CFAP77: variants seen among roughly 807,000 people sequenced by gnomAD.
The protein encoded by CFAP77 is cilia and flagella associated protein 77.
In CFAP77, 25 loss-of-function variants were observed where a neutral mutation model predicts 31.1. That is an observed-to-expected ratio of 0.80 (90% CI 0.59 to 1.12). The LOEUF is 1.12. Ranked by LOEUF, CFAP77 falls within the 50% of genes most tolerant of loss-of-function variation. CFAP77 has a pLI of 0.00. For missense variants in CFAP77, 377 were observed against 397.3 expected (o/e 0.95, Z 0.44); for synonymous variants, 151 against 159.9 (o/e 0.94, Z 0.42).
chr9:132,565,014 CACTAA>C lies in CFAP77; in HGVS notation c.733-7373_733-7369del, dbSNP rs1208208400. Among the ~76,000 whole-genome samples, 44 of 152,064 alleles carry C rather than the reference CACTAA, an allele frequency of 2.9e-4. No individual in the cohort carries two copies. The highest frequency in any genetic ancestry group is 6.3e-4 in the Non-Finnish European group (43 of 68,018). ...AGTATGGGAGAGTTAGATTCGATAT[CACTAA>C]GGTCTCTTCCAAACCTAACTCTCTG... On this transcript the variant is annotated intron_variant, in intron 5 of 5. Coordinates refer to ENST00000393216, the MANE Select transcript of CFAP77 (RefSeq NM_001282957.2). This position sits in a 1 kb window ranked among gnomAD's most constrained non-coding sequence, Gnocchi z 4.1.
chr9:132,521,528 G>A (rs1271838359), intron 3 of CFAP77, among the ~76,000 whole-genome samples: 1 of 152,144 alleles, frequency 6.6e-6, no homozygotes, highest in Non-Finnish European at 1.5e-5. Flanking sequence ...CTATTATAAA[G>A]AACTTCAAAC....
chr9:132,557,982 C>T (rs1319918272), intron 5 of CFAP77, among the ~76,000 whole-genome samples: 3 of 152,208 alleles, frequency 2.0e-5, no homozygotes, highest in Non-Finnish European at 4.4e-5. Flanking sequence ...CCACCTCCCT[C>T]CCGTGCCCAC....
intron 3 of CFAP77, among the ~76,000 whole-genome samples, chr9:132,510,993 G>A (rs929581963): frequency 2.6e-5 from 4 of 152,100 alleles, no homozygotes; most frequent in African/African-American, 7.2e-5. Context: ...GGTCACGCTG[G>A]GATCTGATCT....
intron 5 of CFAP77, among the ~76,000 whole-genome samples, chr9:132,544,231 C>T (rs113060142): frequency 1.3e-5 from 2 of 152,342 alleles, no homozygotes; most frequent in African/African-American, 4.8e-5. Flanking sequence ...ATGCGCCCTG[C>T]CGCCCGTCAG....
chr9:132,531,219 TTC>T (rs969876253), intron 3 of CFAP77, among the ~76,000 whole-genome samples: 16 of 152,222 alleles, frequency 1.1e-4, no homozygotes, highest in African/African-American at 3.9e-4. Flanking sequence ...TGTCCTCTCT[TTC>T]TCTCTCAGTC....
intron 1 of CFAP77, among the ~76,000 whole-genome samples, chr9:132,486,145 T>G (rs1851554027): frequency 7.6e-6 from 1 of 131,182 alleles, no homozygotes; most frequent in African/African-American, 3.0e-5. Context: ...CAGGCTGGAG[T>G]GCGGTGGCGC....
intron 1 of CFAP77, among the ~76,000 whole-genome samples, chr9:132,418,710 T>G (rs1036942669): frequency 2.6e-5 from 4 of 152,176 alleles, no homozygotes; most frequent in South Asian, 4.1e-4. Flanking sequence ...ATCCATACAG[T>G]GTGGCTCAAT....
chr9:132,452,785 C>G (rs1040304968), intron 1 of CFAP77, among the ~76,000 whole-genome samples: 1 of 152,024 alleles, frequency 6.6e-6, no homozygotes, highest in African/African-American at 2.4e-5. Context: ...GTGCTCTGTC[C>G]CAGAAGGAAC....
chr9:132,567,272 G>C (rs896821550), intron 5 of CFAP77, among the ~76,000 whole-genome samples: 1 of 152,196 alleles, frequency 6.6e-6, no homozygotes, highest in African/African-American at 2.4e-5. Flanking sequence ...TATGGAACTT[G>C]GAACTCTGAA....
chr9:132,438,541 A>ATATATATATATATATATATATATATT, intron 1 of CFAP77, among the ~76,000 whole-genome samples: 7 of 108,148 alleles, frequency 6.5e-5, no homozygotes, highest in South Asian at 3.0e-4. Context: ...ATATATATAT[A>ATATATATATATATATATATATATATT]TTTTTTTTTT....
At chr9:132,513,250 G>A (rs1852073021) in intron 3 of CFAP77, 1 of 1,546,048 alleles carries the variant, frequency 6.5e-7, no homozygotes, top group Non-Finnish European at 8.7e-7. Flanking sequence ...TTTCTTTTGT[G>A]TTTATTAGAA....
intron 1 of CFAP77, among the ~76,000 whole-genome samples, chr9:132,473,233 T>G (rs1851289629): frequency 6.6e-6 from 1 of 152,094 alleles, no homozygotes; most frequent in Non-Finnish European, 1.5e-5. Flanking sequence ...CCCAAACACC[T>G]CCAACGTCAT....
In CFAP77 at chr9:132,497,507, C is replaced by T. The variant is rs112369328; in HGVS notation, c.196-1188C>T. The stretch of plus-strand genomic sequence containing the variant: ...AAGGAGCAGCTGCACCCACCCTTCT[C>T]AGTAATGGCCCCGGGGCCTGCTGGC... On this transcript the variant is annotated intron_variant, in intron 1 of 5. Transcript: ENST00000393216. The surrounding 1 kb of genome is among the most constrained non-coding windows in gnomAD (Gnocchi z 4.9). Among the ~76,000 whole-genome samples the T allele has an allele frequency of 4.6e-5, 7 of 152,326 alleles. No homozygotes were observed. The highest frequency in any genetic ancestry group is 1.7e-4 in the African/African-American group (7 of 41,586).
At chr9:132,430,666 C>T (rs1211136155) in intron 1 of CFAP77, among the ~76,000 whole-genome samples, 1 of 152,152 alleles carries the variant, frequency 6.6e-6, no homozygotes, top group Non-Finnish European at 1.5e-5. Context: ...GGACCTCAGT[C>T]AATATGTCAG....
Position 132,492,694 on chromosome 9 carries a change from G to A in CFAP77, c.196-6001G>A, listed in dbSNP as rs79727401. Among the ~76,000 whole-genome samples, 1,227 of 152,282 alleles carry A rather than the reference G, an allele frequency of 8.1e-3. 12 individuals are homozygous for A. The highest frequency in any genetic ancestry group is 0.028 in the African/African-American group (1,164 of 41,564). Reference sequence around the variant, plus strand: ...ACGTTACAGGATTGTTTTATGAATCGGCAGTAACAGGGGAGCCGGGCATGT... The same window carrying A: ...ACGTTACAGGATTGTTTTATGAATCAGCAGTAACAGGGGAGCCGGGCATGT... On this transcript the variant is annotated intron_variant, in intron 1 of 5. Transcript: ENST00000393216.
At position 132,539,270 on chromosome 9, in the gene CFAP77, C is replaced by T. The variant is rs73659079; in HGVS notation, c.630+1564C>T. Among the ~76,000 whole-genome samples the T allele has an allele frequency of 0.036, 5,434 of 152,086 alleles. 320 individuals carry two copies. The highest frequency in any genetic ancestry group is 0.12 in the African/African-American group (5,173 of 41,460). ...TATAGACTTCATCAAGGCGTGGCTCCGGCGTGGCTAGTTGTCATGACAATC... is the reference window on the plus strand; with the variant it reads ...TATAGACTTCATCAAGGCGTGGCTCTGGCGTGGCTAGTTGTCATGACAATC... On this transcript the variant is annotated intron_variant, in intron 4 of 5. Coordinates refer to ENST00000393216, the MANE Select transcript of CFAP77 (RefSeq NM_001282957.2). This position sits in a 1 kb window ranked among gnomAD's most constrained non-coding sequence, Gnocchi z 4.3.
intron 4 of CFAP77, among the ~76,000 whole-genome samples, chr9:132,541,830 G>A (rs757520045): frequency 1.6e-4 from 24 of 152,186 alleles, no homozygotes; most frequent in South Asian, 4.1e-4. Flanking sequence ...TGGCACCTTC[G>A]ATTAAACTCG....
Position 132,488,956 on chromosome 9 carries a change from C to T in CFAP77, c.196-9739C>T, listed in dbSNP as rs138061114. Among the ~76,000 whole-genome samples, 8 of 152,274 alleles carry T rather than the reference C, an allele frequency of 5.3e-5. No homozygotes were observed. In the East Asian group the frequency reaches 1.5e-3, roughly 29 times the overall value. On this transcript the variant is annotated intron_variant, in intron 1 of 5. Transcript: ENST00000393216. ...TGAAGCTGTCTGCTGATGGGGACAG[C>T]TGTCACCCAGAGCTGTATTCCAGCC...
At chr9:132,516,719 G>T (rs567376263) in intron 3 of CFAP77, among the ~76,000 whole-genome samples, 1 of 152,258 alleles carries the variant, frequency 6.6e-6, no homozygotes, top group South Asian at 2.1e-4. Context: ...ACCATTGGGG[G>T]AAACTGGGTA....
Sources: allele counts gnomAD v4.1 joint callset (sites outside exome capture counted in the v4.1 genomes callset), GRCh38; gene constraint gnomAD v4.1.1; non-coding constraint Gnocchi (gnomAD v3.1); transcripts MANE v1.5; gene names NCBI Gene and HGNC (gene_info 2026-07-23, HGNC 2026-07-21).